Variants in NR3C2 observed in about 807,000 individuals in gnomAD.
NR3C2 encodes the protein mineralocorticoid receptor.
NR3C2 carries 15 observed loss-of-function variants against 86.4 expected under a neutral mutation model. The observed-to-expected ratio is 0.17, with a 90% CI of 0.12 to 0.27. NR3C2 has a LOEUF of 0.27. Among genes scored for constraint, NR3C2 ranks in the 10% least tolerant of loss-of-function variants. The pLI is 1.00. For missense variants in NR3C2, 960 were observed against 1,195.6 expected, an observed-to-expected ratio of 0.80 and a Z score of 2.91; for synonymous variants, 458 against 450.5, an observed-to-expected ratio of 1.02 and a Z score of -0.21.
intron 2 of NR3C2, among the ~76,000 whole-genome samples, chr4:148,295,038 A>G (rs890786935): frequency 6.6e-6 from 1 of 152,142 alleles, no homozygotes; most frequent in African/African-American, 2.4e-5. Context: ...TCAGATGATG[A>G]TGAAATAAGC....
In NR3C2 at chr4:148,117,186, C is replaced by A. The variant is rs1380453660; in HGVS notation, c.2642-2925G>T. Among the ~76,000 whole-genome samples the A allele has an allele frequency of 3.3e-5, 5 of 152,146 alleles. No individual in the cohort carries two copies. In the South Asian group the frequency reaches 8.3e-4, roughly 25 times the overall value. ...TAGTGAGGAATGGTGGGGCCTGTGGCAAACTAGAGAGAACATGCCCTGCCC... is the reference window on the plus strand; with the variant it reads ...TAGTGAGGAATGGTGGGGCCTGTGGAAAACTAGAGAGAACATGCCCTGCCC... On this transcript the variant is annotated intron_variant, in intron 7 of 8. Transcript: ENST00000358102.
At chr4:148,161,955 C>T (rs996807698) in intron 4 of NR3C2, among the ~76,000 whole-genome samples, 6 of 152,118 alleles carry the variant, frequency 3.9e-5, no homozygotes, top group African/African-American at 9.7e-5. Flanking sequence ...TCCATGGGAG[C>T]GCACACTATC....
At chr4:148,120,335 C>A in intron 6 of NR3C2, 47 bp from the exon 7 acceptor site, 1 of 1,612,462 alleles carries the variant, frequency 6.2e-7, no homozygotes, top group South Asian at 1.1e-5. Context: ...GATTCATTAT[C>A]AAACCCAGAC....
intron 2 of NR3C2, among the ~76,000 whole-genome samples, chr4:148,291,457 TATTA>T: frequency 6.6e-6 from 1 of 152,204 alleles, no homozygotes; most frequent in Middle Eastern, 3.4e-3. Context: ...TTTTTATTGA[TATTA>T]ATTTGGAATT....
At chr4:148,165,030 C>T (rs72653821) in intron 4 of NR3C2, among the ~76,000 whole-genome samples, 9 of 152,076 alleles carry the variant, frequency 5.9e-5, no homozygotes, top group African/African-American at 2.2e-4. Context: ...ATATGATACA[C>T]AAAAATAAGA....
chr4:148,243,368 T>C (rs1448515087), intron 3 of NR3C2, among the ~76,000 whole-genome samples: 3 of 152,126 alleles, frequency 2.0e-5, no homozygotes, highest in Non-Finnish European at 4.4e-5. Context: ...GAGGGTCACA[T>C]GATAAACAGG....
At chr4:148,134,497 C>T (rs1733184000) in intron 6 of NR3C2, among the ~76,000 whole-genome samples, 1 of 152,082 alleles carries the variant, frequency 6.6e-6, no homozygotes, top group African/African-American at 2.4e-5. Flanking sequence ...CTGTGAACTT[C>T]CTCTAATCAG....
intron 2 of NR3C2, among the ~76,000 whole-genome samples, chr4:148,315,124 G>C (rs1323105153): frequency 1.3e-5 from 2 of 152,182 alleles, no homozygotes; most frequent in African/African-American, 4.8e-5. Context: ...GTTTGGGCCA[G>C]CACTCCATCT....
chr4:148,389,778 T>C (rs1016874663), intron 2 of NR3C2, among the ~76,000 whole-genome samples: 4 of 152,138 alleles, frequency 2.6e-5, no homozygotes, highest in African/African-American at 7.2e-5. Flanking sequence ...CATTATTTCA[T>C]TTAAATTCAT....
At chr4:148,392,182 C>A (rs1288179376) in intron 2 of NR3C2, among the ~76,000 whole-genome samples, 1 of 152,082 alleles carries the variant, frequency 6.6e-6, no homozygotes, top group Admixed American at 6.5e-5. Context: ...ACAAATAGAT[C>A]CATTTACCAA....
At chr4:148,202,921 C>A (rs1553995872) in intron 3 of NR3C2, among the ~76,000 whole-genome samples, 1 of 152,088 alleles carries the variant, frequency 6.6e-6, no homozygotes, top group Non-Finnish European at 1.5e-5. Context: ...TAGTTTAAAC[C>A]CTCTTCTGGT....
At chr4:148,364,396 G>C (rs894157971) in intron 2 of NR3C2, among the ~76,000 whole-genome samples, 2 of 152,146 alleles carry the variant, frequency 1.3e-5, no homozygotes, top group Non-Finnish European at 2.9e-5. Flanking sequence ...GAAATATTTA[G>C]AGAAAAGTAA....
chr4:148,371,667 T>C (rs982055953), intron 2 of NR3C2, among the ~76,000 whole-genome samples: 2 of 151,592 alleles, frequency 1.3e-5, no homozygotes, highest in Non-Finnish European at 2.9e-5. Flanking sequence ...AAATTTGAAA[T>C]AGATACCAAA....
At chr4:148,139,989 G>T (rs1016542233) in intron 6 of NR3C2, among the ~76,000 whole-genome samples, 2 of 152,196 alleles carry the variant, frequency 1.3e-5, no homozygotes, top group Non-Finnish European at 2.9e-5. Context: ...TTCATAAAAT[G>T]CTTTAAACAG....
chr4:148,336,890 C>T (rs1003414595), intron 2 of NR3C2, among the ~76,000 whole-genome samples: 1 of 152,152 alleles, frequency 6.6e-6, no homozygotes, highest in African/African-American at 2.4e-5. Flanking sequence ...CTCCCAGGCT[C>T]AAGCAATCCT....
chr4:148,254,013 C>T lies in NR3C2; in HGVS notation c.1897+5965G>A, dbSNP rs546244283. On this transcript the variant is annotated intron_variant, in intron 3 of 8. Transcript: ENST00000358102. ...TTAGCAGCCAAGCCTGGGGAGTCAT[C>T]CTAGATCTTTGCTTCTTCTCTTCCA... Among the ~76,000 whole-genome samples, 9 of 152,206 alleles carry T rather than the reference C, an allele frequency of 5.9e-5. No homozygotes were observed. The South Asian group carries it at 1.9e-3, about 32-fold the overall frequency.
Position 148,405,898 on chromosome 4 carries a change from G to A in NR3C2, c.1757+29206C>T, listed in dbSNP as rs185047916. ...GTGGCTCACACCTGTCATTCCAGAAGTTTGGGAGGCAGAGGCAGGTGGATC... is the reference window on the plus strand; with the variant it reads ...GTGGCTCACACCTGTCATTCCAGAAATTTGGGAGGCAGAGGCAGGTGGATC... On this transcript the variant is annotated intron_variant, in intron 2 of 8. Transcript: ENST00000358102. Among the ~76,000 whole-genome samples, 27 of 152,308 alleles carry A rather than the reference G, an allele frequency of 1.8e-4. No individual in the cohort carries two copies. In the East Asian group the frequency reaches 3.3e-3, roughly 19 times the overall value.
chr4:148,418,635 A>G (rs116850254), intron 2 of NR3C2, among the ~76,000 whole-genome samples: 2 of 152,162 alleles, frequency 1.3e-5, no homozygotes, highest in Non-Finnish European at 2.9e-5. Flanking sequence ...TGTAGTTCCT[A>G]TTTGTTCCTA....
At chr4:148,311,791 C>A (rs966413569) in intron 2 of NR3C2, among the ~76,000 whole-genome samples, 1 of 152,216 alleles carries the variant, frequency 6.6e-6, no homozygotes, top group Non-Finnish European at 1.5e-5. Context: ...TAGTCTGCAC[C>A]AGCCATGCTG....
Sources: gnomAD v4.1 joint callset for allele counts (sites outside exome capture counted in the v4.1 genomes callset) on GRCh38, gnomAD v4.1.1 for gene constraint, MANE v1.5 for transcripts, NCBI Gene and HGNC (gene_info 2026-07-23, HGNC 2026-07-21) for gene names.